NTRK3: variants seen among roughly 807,000 people sequenced by gnomAD.
NTRK3 encodes neurotrophic receptor tyrosine kinase 3.
Under a neutral mutation model 91.7 loss-of-function variants are expected in NTRK3, and 24 were observed. That is an observed-to-expected ratio of 0.26 (90% CI 0.19 to 0.37). The LOEUF is 0.37. NTRK3 is among the 10% of genes least tolerant of loss of function. The pLI, the probability that NTRK3 is intolerant of heterozygous loss-of-function variation, is 1.00. For synonymous variants in NTRK3, 483 were observed against 404.0 expected (o/e 1.20, Z -2.34); for missense variants, 880 against 1,068.9 (o/e 0.82, Z 2.46).
chr15:88,079,503 G>A (rs923966210), intron 13 of NTRK3, among the ~76,000 whole-genome samples: 1 of 152,214 alleles, frequency 6.6e-6, no homozygotes, highest in Non-Finnish European at 1.5e-5. Context: ...GCACTGGCAG[G>A]CACGTGCTCT....
At chr15:87,985,864 C>A (rs963225830) in intron 14 of NTRK3, among the ~76,000 whole-genome samples, 1 of 151,672 alleles carries the variant, frequency 6.6e-6, no homozygotes, top group Admixed American at 6.6e-5. Context: ...GGCTCTAACT[C>A]AAAAAAAGGG....
chr15:87,903,965 C>A lies in NTRK3; in HGVS notation c.2134-23537G>T, dbSNP rs572980525. 2.0e-5 allele frequency among the ~76,000 whole-genome samples: 3 copies of A among 152,224 alleles called. No homozygotes were observed. The East Asian group carries it at 5.8e-4, about 29-fold the overall frequency. On this transcript the variant is annotated intron_variant, in intron 17 of 18. Coordinates refer to ENST00000394480, the Ensembl canonical transcript of NTRK3. Reference sequence around the variant, plus strand: ...GTGATGGCTGGAAAACACTCGCATGCCAAGAGGGGTGAACAAAGCTTGTCT... The same window carrying A: ...GTGATGGCTGGAAAACACTCGCATGACAAGAGGGGTGAACAAAGCTTGTCT...
exon 19 of NTRK3, chr15:87,870,275 C>CA (rs879301424): frequency 1.5e-4 from 29 of 187,866 alleles, no homozygotes; most frequent in Middle Eastern, 1.9e-3. Context: ...GAATTAATGG[C>CA]ATTCGAAGCG....
At chr15:87,970,122 C>T (rs957003101) in intron 14 of NTRK3, among the ~76,000 whole-genome samples, 10 of 152,258 alleles carry the variant, frequency 6.6e-5, no homozygotes, top group African/African-American at 2.4e-4. Flanking sequence ...AAATATGGAA[C>T]AAGGAAAGGT....
At chr15:88,035,236 A>G (rs1008934953) in intron 13 of NTRK3, among the ~76,000 whole-genome samples, 3 of 152,184 alleles carry the variant, frequency 2.0e-5, no homozygotes, top group Non-Finnish European at 2.9e-5. Context: ...AAAGGACAAG[A>G]GAGCCAGGAA....
Position 87,933,199 on chromosome 15 carries a change from G to C in NTRK3, c.1717-15C>G. ...TCCTTCAGGGCCTAGGAACAATGCAGGACACAGGTGTTTAACAACTACAGG... is the reference window on the plus strand; with the variant it reads ...TCCTTCAGGGCCTAGGAACAATGCACGACACAGGTGTTTAACAACTACAGG... On this transcript the variant is annotated splice_polypyrimidine_tract_variant and intron_variant, in intron 15 of 18. Coordinates refer to ENST00000394480, the Ensembl canonical transcript of NTRK3. The C allele has an allele frequency of 1.2e-6, 2 of 1,613,962 alleles. No individual in the cohort carries two copies. The highest frequency in any genetic ancestry group is 1.7e-6 in the Non-Finnish European group (2 of 1,179,874).
chr15:88,249,571 GAGA>G lies in NTRK3; in HGVS notation c.248+6332_248+6334del, dbSNP rs1190302110. On this transcript the variant is annotated intron_variant, in intron 3 of 18. Coordinates refer to ENST00000394480, the Ensembl canonical transcript of NTRK3. ...TTGGACCCTCATGGGTGACATGAGG[GAGA>G]AGATGACTGCAGTGGTCCTTTCCAG... 2.6e-5 allele frequency among the ~76,000 whole-genome samples: 4 copies of G among 152,178 alleles called. No homozygotes were observed. In the East Asian group the frequency reaches 7.7e-4, roughly 29 times the overall value.
intron 13 of NTRK3, among the ~76,000 whole-genome samples, chr15:88,069,582 G>T (rs553827592): frequency 3.3e-5 from 5 of 152,284 alleles, no homozygotes; most frequent in African/African-American, 9.6e-5. Context: ...AATGGAAGAT[G>T]CTAAGGAGCA....
intron 3 of NTRK3, among the ~76,000 whole-genome samples, chr15:88,228,730 C>T (rs1187160948): frequency 1.3e-5 from 2 of 152,182 alleles, no homozygotes; most frequent in Non-Finnish European, 2.9e-5. Context: ...CACGCAGTAA[C>T]AGAGGGGAAC....
chr15:88,038,341 ACTACATTCCTTAAAAGAAAACCCAAT>A (rs1403362564), intron 13 of NTRK3, among the ~76,000 whole-genome samples: 1 of 152,134 alleles, frequency 6.6e-6, no homozygotes, highest in African/African-American at 2.4e-5. Context: ...TCTTCCATAA[ACTACATTCCTTAAAAGAAAACCCAAT>A]AAAAAGCACA....
intron 3 of NTRK3, among the ~76,000 whole-genome samples, chr15:88,187,722 T>G (rs1337877644): frequency 6.6e-6 from 1 of 151,998 alleles, no homozygotes; most frequent in African/African-American, 2.4e-5. Flanking sequence ...TCATTCATGG[T>G]CAGGAGTTCG....
chr15:88,201,521 C>T (rs1387036148), intron 3 of NTRK3, among the ~76,000 whole-genome samples: 1 of 152,184 alleles, frequency 6.6e-6, no homozygotes, highest in East Asian at 1.9e-4. Context: ...CTCAAGGAAC[C>T]TGTGTGACAA....
intron 13 of NTRK3, among the ~76,000 whole-genome samples, chr15:88,086,128 C>CT (rs2048474877): frequency 6.6e-6 from 1 of 152,224 alleles, no homozygotes; most frequent in African/African-American, 2.4e-5. Context: ...GAACCGTTCT[C>CT]TAGAGAGGAC....
At chr15:88,169,147 C>G (rs888185580) in intron 5 of NTRK3, among the ~76,000 whole-genome samples, 4 of 152,126 alleles carry the variant, frequency 2.6e-5, no homozygotes, top group Non-Finnish European at 5.9e-5. Flanking sequence ...TGAGGCTGGT[C>G]CCACACCATA....
intron 3 of NTRK3, among the ~76,000 whole-genome samples, chr15:88,248,752 A>G (rs2053081823): frequency 6.6e-6 from 1 of 152,186 alleles, no homozygotes; most frequent in Admixed American, 6.5e-5. Context: ...TGAGGCTGCA[A>G]TGAGGTATTA....
chr15:87,982,400 T>C (rs1367908602), intron 14 of NTRK3, among the ~76,000 whole-genome samples: 1 of 152,090 alleles, frequency 6.6e-6, no homozygotes, highest in Non-Finnish European at 1.5e-5. Flanking sequence ...GAGGGGCAAA[T>C]CAAAGGCATT....
At chr15:88,204,157 C>A (rs1163800415) in intron 3 of NTRK3, among the ~76,000 whole-genome samples, 1 of 152,136 alleles carries the variant, frequency 6.6e-6, no homozygotes, top group Admixed American at 6.6e-5. Context: ...TTGTGTTAGT[C>A]AAGCAAAGGT....
intron 13 of NTRK3, among the ~76,000 whole-genome samples, chr15:88,046,047 T>G (rs2080156519): frequency 6.6e-6 from 1 of 152,170 alleles, no homozygotes; most frequent in Non-Finnish European, 1.5e-5. Context: ...CAGCACCATG[T>G]CTCCCATATG....
chr15:88,147,527 C>G, intron 5 of NTRK3, 124 bp from the exon 6 acceptor site: 1 of 499,246 alleles, frequency 2.0e-6, no homozygotes, highest in South Asian at 2.4e-5. Flanking sequence ...TCTTCTTCTT[C>G]TTCTTCTTCT....
Sources: gnomAD v4.1 joint callset for allele counts (sites outside exome capture counted in the v4.1 genomes callset) on GRCh38, gnomAD v4.1.1 for gene constraint, MANE v1.5 for transcripts, NCBI Gene and HGNC (gene_info 2026-07-23, HGNC 2026-07-21) for gene names.